The following ANKFY1 variants were observed in gnomAD, a reference collection of about 807,000 sequenced individuals.
ANKFY1 encodes the protein ankyrin repeat and FYVE domain containing 1.
ANKFY1 carries 47 observed loss-of-function variants against 128.3 expected under a neutral mutation model. The observed-to-expected ratio is 0.37, with a 90% CI of 0.29 to 0.47. The LOEUF (loss-of-function observed/expected upper bound fraction) is 0.47. Ranked by LOEUF, ANKFY1 falls within the 20% of genes least tolerant of loss-of-function variation. The probability of loss-of-function intolerance (pLI) is 1.00; values close to 1 mark genes in which losing one functional copy is unlikely to be tolerated. For missense variants in ANKFY1, 1,222 were observed against 1,510.6 expected (o/e 0.81, Z 3.17); for synonymous variants, 553 against 601.6 (o/e 0.92, Z 1.18).
intron 19 of ANKFY1, 32 bp downstream of exon 19, chr17:4,177,094 A>C (rs748172317): frequency 3.3e-6 from 5 of 1,529,096 alleles, no homozygotes; most frequent in Non-Finnish European, 4.4e-6. Context: ...TTGACAACAT[A>C]TTATTACATG....
At position 4,169,351 on chromosome 17, in the gene ANKFY1, C is replaced by T. The variant is rs1007847730; in HGVS notation, c.3287-63G>A. On this transcript the variant is annotated intron_variant, in intron 23 of 24. Transcript: ENST00000341657. The surrounding 1 kb of genome is among the most constrained non-coding windows in gnomAD (Gnocchi z 5.0). Reference sequence around the variant, plus strand: ...CGACGGCGCCACGCAAGCCCCAGGGCTTGGAGGCAGCAGGAACACAGACCC... The same window carrying T: ...CGACGGCGCCACGCAAGCCCCAGGGTTTGGAGGCAGCAGGAACACAGACCC... 13 of 1,303,848 alleles carry T rather than the reference C, an allele frequency of 1.0e-5. No homozygotes were observed. The Admixed American group carries it at 2.4e-4, about 24-fold the overall frequency. 80.8% of individuals were successfully genotyped at this position (1,303,848 alleles called of 1,614,324 possible).
intron 1 of ANKFY1, 71 bp downstream of exon 1, chr17:4,263,861 G>A (rs1315449795): frequency 6.2e-7 from 1 of 1,612,716 alleles, no homozygotes; most frequent in Non-Finnish European, 8.5e-7. Context: ...CCCTCCCACG[G>A]CAGCTTCGCA....
intron 2 of ANKFY1, among the ~76,000 whole-genome samples, chr17:4,240,439 T>C (rs1318981589): frequency 2.0e-5 from 3 of 151,746 alleles, no homozygotes; most frequent in African/African-American, 7.3e-5. Flanking sequence ...TCTCCCAGGC[T>C]GGAGTGCAGT....
intron 1 of ANKFY1, among the ~76,000 whole-genome samples, chr17:4,258,200 T>C (rs1008688658): frequency 6.6e-5 from 10 of 152,170 alleles, no homozygotes; most frequent in Non-Finnish European, 1.3e-4. Flanking sequence ...CCTGGGACAT[T>C]TGTTCAATAA....
At chr17:4,187,577 A>G in intron 11 of ANKFY1, 1 of 305,520 alleles carries the variant, frequency 3.3e-6, no homozygotes, top group Non-Finnish European at 6.0e-6. Context: ...GTTTCTCTAC[A>G]GCTTGGGTTT....
At chr17:4,210,560 T>A (rs1366278331) in intron 4 of ANKFY1, among the ~76,000 whole-genome samples, 1 of 151,582 alleles carries the variant, frequency 6.6e-6, no homozygotes, top group African/African-American at 2.4e-5. Context: ...AATACAAAAT[T>A]AGCCGGCTGT....
chr17:4,248,335 G>A (rs559922756), intron 1 of ANKFY1, among the ~76,000 whole-genome samples: 3 of 152,306 alleles, frequency 2.0e-5, no homozygotes, highest in Middle Eastern at 3.4e-3. Flanking sequence ...CCGCGCATGC[G>A]AGGGATCTAG....
At chr17:4,211,241 T>C (rs1221572968) in intron 4 of ANKFY1, among the ~76,000 whole-genome samples, 1 of 148,738 alleles carries the variant, frequency 6.7e-6, no homozygotes, top group Non-Finnish European at 1.5e-5. Context: ...CCGTCTTTAC[T>C]ACAAATACAA....
rs1248047583 is a variant in ANKFY1, at chr17:4,232,090, CCACT to C, written c.322+3678_322+3681del. On this transcript the variant is annotated intron_variant, in intron 3 of 24. Transcript: ENST00000341657. ...TCCCTAACACCTTGAAAAGCGCTTA[CCACT>C]CAATGTTTTTTATATGAATGGATTA... Among the ~76,000 whole-genome samples the C allele has an allele frequency of 2.0e-5, 3 of 152,222 alleles. No individual in the cohort carries two copies. The South Asian group carries it at 6.2e-4, about 32-fold the overall frequency.
intron 1 of ANKFY1, among the ~76,000 whole-genome samples, chr17:4,258,415 C>T (rs1018811976): frequency 2.0e-5 from 3 of 151,690 alleles, no homozygotes; most frequent in African/African-American, 4.8e-5. Context: ...GTCCCAGCTA[C>T]TCGGGAGGCT....
In ANKFY1 at chr17:4,182,355, A is replaced by G. The variant is rs1225328718; in HGVS notation, c.1953-6T>C. The G allele has an allele frequency of 6.4e-7, 1 of 1,551,994 alleles. No homozygotes were observed. Among genetic ancestry groups the G allele is most frequent in the Admixed American group, 1.8e-5 (1 of 55,218 alleles). On this transcript the variant is annotated splice_polypyrimidine_tract_variant and splice_region_variant and intron_variant, in intron 14 of 24. Coordinates refer to ENST00000341657, the MANE Select transcript of ANKFY1 (RefSeq NM_001330063.2). The stretch of plus-strand genomic sequence containing the variant: ...CTGTCTCCCCGTCCTGAGTCCTGCT[A>G]GGACATGCACACCCAAACCAACGTT...
At chr17:4,217,248 T>C in intron 3 of ANKFY1, 130 bp from the exon 4 acceptor site, 1 of 1,049,286 alleles carries the variant, frequency 9.5e-7, no homozygotes. Flanking sequence ...TATTACACAG[T>C]CATTAAAAAT....
intron 3 of ANKFY1, 37 bp from the exon 4 acceptor site, chr17:4,217,155 G>C (rs759324049): frequency 6.2e-7 from 1 of 1,601,232 alleles, no homozygotes; most frequent in Non-Finnish European, 8.5e-7. Flanking sequence ...AAAAAGCATA[G>C]AATGACATGC....
chr17:4,186,940 A>G (rs2059622577), intron 11 of ANKFY1: 13 of 1,169,802 alleles, frequency 1.1e-5, no homozygotes, highest in Non-Finnish European at 1.2e-5. Flanking sequence ...TTATTCCCAC[A>G]CACAGGCTCC....
chr17:4,209,759 G>C, intron 5 of ANKFY1, 65 bp downstream of exon 5: 2 of 1,526,010 alleles, frequency 1.3e-6, no homozygotes, highest in Non-Finnish European at 1.8e-6. Flanking sequence ...ATGGAACTAC[G>C]TCCCCAGCGG....
At chr17:4,209,631 C>T (rs1256605379) in intron 5 of ANKFY1, among the ~76,000 whole-genome samples, 193 bp downstream of exon 5, 3 of 152,070 alleles carry the variant, frequency 2.0e-5, no homozygotes, top group Non-Finnish European at 2.9e-5. Context: ...CCTTTGGCTC[C>T]GAAATCACAG....
chr17:4,164,487 C>T lies in ANKFY1; in HGVS notation c.*3292G>A, dbSNP rs2059177103. The T allele has an allele frequency of 6.6e-6, 1 of 152,418 alleles. No individual in the cohort carries two copies. Among genetic ancestry groups the T allele is most frequent in the Admixed American group, 6.5e-5 (1 of 15,282 alleles). The allele number at this position is 152,418 out of a possible 1,614,324, so 9.4% of individuals were successfully genotyped here. A position where few individuals can be genotyped will look rare whatever the true frequency, so the allele number is the denominator to read the frequency against. On this transcript the variant is annotated 3_prime_UTR_variant, in exon 25 of 25. Coordinates refer to ENST00000341657, the MANE Select transcript of ANKFY1 (RefSeq NM_001330063.2). ...CAGGCTGGGGTGGGGAGCTTTGGTGCTTCAGGTAGTTCTTCTGGGACTTGT... is the reference window on the plus strand; with the variant it reads ...CAGGCTGGGGTGGGGAGCTTTGGTGTTTCAGGTAGTTCTTCTGGGACTTGT...
chr17:4,202,981 C>CATATATATAT (rs56774221), intron 7 of ANKFY1, among the ~76,000 whole-genome samples: 29 of 146,300 alleles, frequency 2.0e-4, no homozygotes, highest in African/African-American at 6.2e-4. Context: ...TAATCATACA[C>CATATATATAT]ATATATATAT....
chr17:4,185,023 C>T lies in ANKFY1; in HGVS notation c.1494G>A (p.Ala498=), dbSNP rs200858230. ...NKWGETPLHT[A]CRHGLANLTA... Reference sequence around the variant, plus strand: ...TGAGGTTGGCCAGGCCATGCCGACACGCTGTGTGCAACGGGGTTTCTCCCT... The same window carrying T: ...TGAGGTTGGCCAGGCCATGCCGACATGCTGTGTGCAACGGGGTTTCTCCCT... The change falls in exon 12 of 25, where the codon GCG becomes GCA. Residue 498 remains alanine, a synonymous_variant. Transcript: ENST00000341657. 4.3e-5 allele frequency: 70 copies of T among 1,613,494 alleles called. No homozygotes were observed. The highest frequency in any genetic ancestry group is 1.6e-4 in the East Asian group (7 of 44,876).
Sources: gnomAD v4.1 joint callset for allele counts (sites outside exome capture counted in the v4.1 genomes callset) on GRCh38, gnomAD v4.1.1 for gene constraint, Gnocchi (gnomAD v3.1) non-coding constraint, MANE v1.5 for transcripts, NCBI Gene and HGNC (gene_info 2026-07-23, HGNC 2026-07-21) for gene names.